PPIG: variants seen among roughly 807,000 people sequenced by gnomAD.
PPIG encodes peptidyl-prolyl cis-trans isomerase G.
Under a neutral mutation model 87.9 loss-of-function variants are expected in PPIG, and 26 were observed. The observed-to-expected ratio is 0.30, with a 90% CI of 0.22 to 0.41. PPIG has a LOEUF of 0.41. PPIG is among the 10% of genes least tolerant of loss of function. PPIG has a pLI of 1.00. For synonymous variants in PPIG, 308 were observed against 276.5 expected, an observed-to-expected ratio of 1.11 and a Z score of -1.13; for missense variants, 722 against 879.4, an observed-to-expected ratio of 0.82 and a Z score of 2.26.
chr2:169,622,118 A>G (rs1685774267), intron 9 of PPIG, among the ~76,000 whole-genome samples: 1 of 152,010 alleles, frequency 6.6e-6, no homozygotes, highest in Non-Finnish European at 1.5e-5. Context: ...TCAGAAAGAG[A>G]TTGAGGTAAT....
chr2:169,594,427 T>A (rs1182773266), intron 1 of PPIG, among the ~76,000 whole-genome samples: 2 of 152,048 alleles, frequency 1.3e-5, no homozygotes, highest in East Asian at 3.9e-4. Flanking sequence ...AAAATTACCC[T>A]TAAACCCATG....
intron 7 of PPIG, among the ~76,000 whole-genome samples, chr2:169,610,325 G>A (rs867978876): frequency 1.3e-5 from 2 of 152,028 alleles, no homozygotes; most frequent in Non-Finnish European, 2.9e-5. Flanking sequence ...CCTTATTTTC[G>A]TTTTTAGACT....
intron 9 of PPIG, among the ~76,000 whole-genome samples, chr2:169,626,581 G>C (rs10208885): frequency 6.6e-6 from 1 of 151,926 alleles, no homozygotes; most frequent in Non-Finnish European, 1.5e-5. Flanking sequence ...TAGTAGAGAC[G>C]GGTTCACCAT....
chr2:169,618,204 G>C (rs1416369019), intron 9 of PPIG, among the ~76,000 whole-genome samples: 1 of 152,136 alleles, frequency 6.6e-6, no homozygotes, highest in Non-Finnish European at 1.5e-5. Context: ...AGGTGAAGCT[G>C]ACTTAATCGT....
intron 1 of PPIG, among the ~76,000 whole-genome samples, chr2:169,587,368 A>T (rs1445693333): frequency 2.6e-5 from 4 of 151,834 alleles, no homozygotes; most frequent in African/African-American, 7.3e-5. Context: ...CAGCTTCCTG[A>T]GTAGCTGGGA....
intron 9 of PPIG, among the ~76,000 whole-genome samples, chr2:169,617,479 C>T (rs1326451465): frequency 6.6e-6 from 1 of 152,146 alleles, no homozygotes; most frequent in East Asian, 1.9e-4. Context: ...GATATTGATT[C>T]TCCCTATCCA....
intron 1 of PPIG, among the ~76,000 whole-genome samples, chr2:169,597,696 G>A (rs781743224): frequency 6.6e-6 from 1 of 151,742 alleles, no homozygotes; most frequent in Non-Finnish European, 1.5e-5. Flanking sequence ...ACATGGTTTC[G>A]CCATGTTGGC....
chr2:169,621,129 AATG>A (rs1685736434), intron 9 of PPIG, among the ~76,000 whole-genome samples: 1 of 152,078 alleles, frequency 6.6e-6, no homozygotes, highest in Non-Finnish European at 1.5e-5. Flanking sequence ...TTAAAGTTTA[AATG>A]TCCTTAAAAT....
intron 9 of PPIG, among the ~76,000 whole-genome samples, chr2:169,627,132 T>C (rs1171567750): frequency 6.6e-6 from 1 of 152,208 alleles, no homozygotes; most frequent in Non-Finnish European, 1.5e-5. Flanking sequence ...GGAGTCTTGC[T>C]TTGTCTCCCA....
chr2:169,605,819 A>G (rs1199136116), intron 4 of PPIG, among the ~76,000 whole-genome samples: 1 of 152,076 alleles, frequency 6.6e-6, no homozygotes, highest in East Asian at 1.9e-4. Context: ...CTAAAACCAA[A>G]CATTAGTTGT....
chr2:169,592,462 G>A (rs1339460387), intron 1 of PPIG, among the ~76,000 whole-genome samples: 5 of 151,696 alleles, frequency 3.3e-5, no homozygotes, highest in Non-Finnish European at 7.4e-5. Context: ...CCACCACCAC[G>A]CCCAACTAAT....
chr2:169,637,327 CAAAAAT>C lies in PPIG; in HGVS notation c.2074_2079del (p.Ile692_Lys693del), dbSNP rs1477373920. 4 of 1,605,132 alleles carry C rather than the reference CAAAAAT, an allele frequency of 2.5e-6. No homozygotes were observed. Among genetic ancestry groups the C allele is most frequent in the Admixed American group, 1.7e-5 (1 of 57,994 alleles). ...GCTGATAGAGATCAAAGTCCCTTCT[CAAAAAT>C]AAAACAAAGCAGTCAGGACAATGAA... is the stretch of plus-strand genomic sequence containing the variant. On this transcript the variant is annotated inframe_deletion, in exon 14 of 14. Transcript: ENST00000260970.
At chr2:169,620,521 CTAAA>C (rs1685720911) in intron 9 of PPIG, among the ~76,000 whole-genome samples, 1 of 151,768 alleles carries the variant, frequency 6.6e-6, no homozygotes, top group African/African-American at 2.4e-5. Context: ...CTGTAGTTGT[CTAAA>C]TAACCTAGTA....
chr2:169,598,028 T>C (rs1685071183), intron 1 of PPIG, among the ~76,000 whole-genome samples: 2 of 147,360 alleles, frequency 1.4e-5, no homozygotes, highest in Admixed American at 6.9e-5. Context: ...TGATACAGGG[T>C]CCCACTCTGT....
chr2:169,598,767 T>C (rs1685091489), intron 1 of PPIG, among the ~76,000 whole-genome samples: 1 of 149,162 alleles, frequency 6.7e-6, no homozygotes, highest in South Asian at 2.1e-4. Flanking sequence ...TTTTGTATTA[T>C]ATATCAAATT....
At chr2:169,628,221 T>G (rs1383648399) in intron 9 of PPIG, among the ~76,000 whole-genome samples, 1 of 152,174 alleles carries the variant, frequency 6.6e-6, no homozygotes, top group Admixed American at 6.5e-5. Context: ...GGCACTGTCA[T>G]GATTTCCAGG....
intron 2 of PPIG, 147 bp downstream of exon 2, chr2:169,603,841 C>CA: frequency 1.7e-6 from 1 of 583,492 alleles, no homozygotes; most frequent in South Asian, 2.3e-5. Context: ...AATTGCTTCA[C>CA]AAAATGCAAT....
At chr2:169,616,803 T>C (rs1685619571) in intron 9 of PPIG, among the ~76,000 whole-genome samples, 1 of 152,240 alleles carries the variant, frequency 6.6e-6, no homozygotes, top group African/African-American at 2.4e-5. Flanking sequence ...AGGTTGCCTG[T>C]TCACTCTGAT....
chr2:169,620,760 A>T (rs1685727856), intron 9 of PPIG, among the ~76,000 whole-genome samples: 1 of 152,166 alleles, frequency 6.6e-6, no homozygotes, highest in South Asian at 2.1e-4. Flanking sequence ...AAATATTTTA[A>T]GTCTTTATAT....
Sources: gnomAD v4.1 joint callset for allele counts (sites outside exome capture counted in the v4.1 genomes callset) on GRCh38, gnomAD v4.1.1 for gene constraint, MANE v1.5 for transcripts, NCBI Gene and HGNC (gene_info 2026-07-23, HGNC 2026-07-21) for gene names.